Variants in PDE4D observed in about 807,000 individuals in gnomAD.
PDE4D encodes phosphodiesterase 4D, also known as 3',5'-cyclic-AMP phosphodiesterase 4D.
PDE4D carries 24 observed loss-of-function variants against 87.4 expected under a neutral mutation model. That is an observed-to-expected ratio of 0.27 (90% CI 0.20 to 0.39). The LOEUF (loss-of-function observed/expected upper bound fraction) is 0.39. PDE4D is among the 10% of genes least tolerant of loss of function. PDE4D has a pLI of 1.00. For missense variants in PDE4D, 714 were observed against 1,041.0 expected (o/e 0.69, Z 4.32); for synonymous variants, 384 against 383.2 (o/e 1.00, Z -0.02).
rs1206067588 is a variant in PDE4D, at chr5:58,984,231, C to G, written c.1552+4262G>C. 2.0e-5 allele frequency among the ~76,000 whole-genome samples: 3 copies of G among 152,186 alleles called. No individual in the cohort carries two copies. In the East Asian group the frequency reaches 5.8e-4, roughly 29 times the overall value. On this transcript the variant is annotated intron_variant, in intron 11 of 14. Transcript: ENST00000340635. ...ACTTAATATTCAGTTGTCAAGAAAACTGCCTCATTCATCACTCCACTCTCT... is the reference window on the plus strand; with the variant it reads ...ACTTAATATTCAGTTGTCAAGAAAAGTGCCTCATTCATCACTCCACTCTCT...
chr5:59,628,725 T>G (rs1831196806), intron 1 of PDE4D, among the ~76,000 whole-genome samples: 1 of 152,122 alleles, frequency 6.6e-6, no homozygotes, highest in South Asian at 2.1e-4. Flanking sequence ...ATTCTATGAT[T>G]TACTTTGGCA....
chr5:59,267,526 C>T (rs1329421213), intron 1 of PDE4D, among the ~76,000 whole-genome samples: 1 of 152,022 alleles, frequency 6.6e-6, no homozygotes, highest in Non-Finnish European at 1.5e-5. Context: ...ACAAGTCACA[C>T]TGGTGCCATC....
Position 58,975,072 on chromosome 5 carries a change from G to T in PDE4D, c.2022C>A (p.Phe674Leu). The change falls in exon 15 of 15, where the codon TTC becomes TTA. Residue 674 changes from phenylalanine to leucine, a missense_variant. Physicochemically the swap from Phe to Leu is conservative, Grantham distance 22. Around this residue, in one of 7 missense-constraint regions of PDE4D, gnomAD observed 97 missense variants for 176.9 expected, o/e 0.55. Coordinates refer to ENST00000340635, the MANE Select transcript of PDE4D (RefSeq NM_001104631.2). This position sits in a 1 kb window ranked among gnomAD's most constrained non-coding sequence, Gnocchi z 4.2. The stretch of plus-strand genomic sequence containing the variant: ...AGAGGGGATGAACAATATAGTCTAT[G>T]AAGCCCACCTAGTTAAGAAAAAAAT... ...NASVEKSQVG[F>L]IDYIVHPLWE... The T allele has an allele frequency of 6.7e-7, 1 of 1,498,410 alleles. No individual in the cohort carries two copies. The highest frequency in any genetic ancestry group is 8.9e-7 in the Non-Finnish European group (1 of 1,117,580). The allele number at this position is 1,498,410 out of a possible 1,614,324, so 92.8% of individuals were successfully genotyped here.
chr5:60,339,638 A>T (rs1758134235), intron 1 of PDE4D, among the ~76,000 whole-genome samples: 1 of 152,166 alleles, frequency 6.6e-6, no homozygotes, highest in Non-Finnish European at 1.5e-5. Flanking sequence ...TCCCCACTGG[A>T]AAGAAAATCT....
intron 1 of PDE4D, among the ~76,000 whole-genome samples, chr5:59,584,434 T>A (rs1824752705): frequency 6.6e-6 from 1 of 152,152 alleles, no homozygotes; most frequent in Admixed American, 6.5e-5. Flanking sequence ...AACAACAGAT[T>A]GGTACGACAT....
intron 2 of PDE4D, among the ~76,000 whole-genome samples, chr5:59,211,380 A>C (rs1268393666): frequency 1.3e-5 from 2 of 152,160 alleles, no homozygotes; most frequent in African/African-American, 4.8e-5. Context: ...ACTTGTATAC[A>C]TTCTCTAAGA....
chr5:59,573,761 G>A lies in PDE4D; in HGVS notation c.455+319407C>T, dbSNP rs1462166230. Reference sequence around the variant, plus strand: ...TCCTGTAATCCTAGCACTTTGGGAGGCTGAGATGGGTGGATCACCTGGGGT... The same window carrying A: ...TCCTGTAATCCTAGCACTTTGGGAGACTGAGATGGGTGGATCACCTGGGGT... On this transcript the variant is annotated intron_variant, in intron 1 of 14. Coordinates refer to ENST00000340635, the MANE Select transcript of PDE4D (RefSeq NM_001104631.2). Among the ~76,000 whole-genome samples the A allele has an allele frequency of 2.0e-5, 3 of 151,630 alleles. No individual in the cohort carries two copies. In the East Asian group the frequency reaches 5.8e-4, roughly 29 times the overall value.
chr5:59,408,123 C>T (rs13159276), intron 1 of PDE4D, among the ~76,000 whole-genome samples: 1 of 152,272 alleles, frequency 6.6e-6, no homozygotes, highest in East Asian at 1.9e-4. Flanking sequence ...ATCTTCTAGG[C>T]AGCTCCTCCC....
At chr5:59,210,410 T>C (rs1303968759) in intron 2 of PDE4D, among the ~76,000 whole-genome samples, 2 of 152,216 alleles carry the variant, frequency 1.3e-5, no homozygotes, top group African/African-American at 4.8e-5. Context: ...GAGGAGTGGC[T>C]GTGACTGAAA....
intron 1 of PDE4D, among the ~76,000 whole-genome samples, chr5:59,807,139 C>T (rs1767827847): frequency 6.6e-6 from 1 of 152,070 alleles, no homozygotes; most frequent in Non-Finnish European, 1.5e-5. Flanking sequence ...GGGTTCTAAG[C>T]CCAGGGATTC....
intron 1 of PDE4D, among the ~76,000 whole-genome samples, chr5:60,309,029 C>A (rs1340018078): frequency 6.6e-6 from 1 of 151,896 alleles, no homozygotes; most frequent in Non-Finnish European, 1.5e-5. Flanking sequence ...ACATATTGAG[C>A]TCTAAAAGTA....
intron 2 of PDE4D, among the ~76,000 whole-genome samples, chr5:60,052,245 T>C (rs575127262): frequency 2.7e-5 from 4 of 150,900 alleles, no homozygotes; most frequent in African/African-American, 7.3e-5. Context: ...AACGAAAAAA[T>C]TTCAGGCCGA....
chr5:59,406,341 T>C (rs1368210912), intron 1 of PDE4D, among the ~76,000 whole-genome samples: 1 of 151,546 alleles, frequency 6.6e-6, no homozygotes, highest in Non-Finnish European at 1.5e-5. Flanking sequence ...AATGATCCTT[T>C]GAATTTCTGT....
intron 1 of PDE4D, among the ~76,000 whole-genome samples, chr5:60,190,842 T>C (rs1335640581): frequency 2.0e-5 from 3 of 152,232 alleles, no homozygotes; most frequent in Non-Finnish European, 4.4e-5. Flanking sequence ...ATAATCAGGT[T>C]GTAGCTTATG....
intron 1 of PDE4D, among the ~76,000 whole-genome samples, chr5:59,599,259 T>C (rs1219282179): frequency 6.7e-6 from 1 of 149,768 alleles, no homozygotes; most frequent in African/African-American, 2.5e-5. Context: ...TGAGCTCTTG[T>C]TGCCCAGGCT....
chr5:59,392,680 G>A (rs1333049584), intron 1 of PDE4D, among the ~76,000 whole-genome samples: 1 of 152,066 alleles, frequency 6.6e-6, no homozygotes, highest in Non-Finnish European at 1.5e-5. Flanking sequence ...GAGGAGCTCA[G>A]AAGTCACTGC....
intron 1 of PDE4D, among the ~76,000 whole-genome samples, chr5:59,296,555 G>A (rs1303182879): frequency 5.9e-5 from 9 of 152,112 alleles, no homozygotes; most frequent in African/African-American, 1.4e-4. Context: ...CTGTCCACTG[G>A]GTACTTCATC....
At chr5:59,867,518 C>T (rs1282022485) in intron 1 of PDE4D, among the ~76,000 whole-genome samples, 1 of 151,968 alleles carries the variant, frequency 6.6e-6, no homozygotes, top group Non-Finnish European at 1.5e-5. Context: ...TTTTTCAGAA[C>T]AATCTACTAA....
chr5:59,858,093 T>C (rs531011432), intron 1 of PDE4D, among the ~76,000 whole-genome samples: 4 of 152,238 alleles, frequency 2.6e-5, no homozygotes, highest in African/African-American at 9.6e-5. Flanking sequence ...TATGGGACTC[T>C]TTCTATGCAA....
Sources: allele counts gnomAD v4.1 joint callset (sites outside exome capture counted in the v4.1 genomes callset), GRCh38; gene constraint gnomAD v4.1.1; regional missense constraint gnomAD v4.1.1; non-coding constraint Gnocchi (gnomAD v3.1); transcripts MANE v1.5; gene names NCBI Gene and HGNC (gene_info 2026-07-23, HGNC 2026-07-21).